DDX17: variants seen among roughly 807,000 people sequenced by gnomAD.
DDX17 encodes the protein probable ATP-dependent RNA helicase DDX17.
DDX17 carries 10 observed loss-of-function variants against 80.8 expected under a neutral mutation model. The ratio of observed to expected loss-of-function variants is 0.12; its 90% CI spans 0.08 to 0.21. The LOEUF (loss-of-function observed/expected upper bound fraction) is 0.21, where lower values mean the gene tolerates loss of function less well. Among genes scored for constraint, DDX17 ranks in the 10% least tolerant of loss-of-function variants. The pLI is 1.00. For missense variants in DDX17, 586 were observed against 957.4 expected, an observed-to-expected ratio of 0.61 and a Z score of 5.12; for synonymous variants, 339 against 336.2, an observed-to-expected ratio of 1.01 and a Z score of -0.09.
intron 5 of DDX17, among the ~76,000 whole-genome samples, chr22:38,497,619 CAAAAA>C (rs138449): frequency 6.7e-5 from 5 of 74,886 alleles, no homozygotes; most frequent in Non-Finnish European, 1.2e-4. Flanking sequence ...AATATATCTC[CAAAAA>C]AAAAAAAAAA....
In DDX17 at chr22:38,484,451, C is replaced by A. The variant is rs1213658655; in HGVS notation, c.*1484G>T. 1 of 152,222 alleles carries A rather than the reference C, an allele frequency of 6.6e-6. No individual in the cohort carries two copies. Among genetic ancestry groups the A allele is most frequent in the African/African-American group, 2.4e-5 (1 of 41,456 alleles). 9.4% of individuals were successfully genotyped at this position (152,222 alleles called of 1,614,324 possible). ...GGAAAACAAAACCTCGAGTATAGAT[C>A]TTACAGATGAGCAAGCATTCAGGCC... On this transcript the variant is annotated 3_prime_UTR_variant, in exon 13 of 13. Coordinates refer to ENST00000403230, the MANE Select transcript of DDX17 (RefSeq NM_006386.5).
At chr22:38,487,840 C>A (rs1415068513) in intron 12 of DDX17, 39 bp downstream of exon 12, 3 of 1,611,568 alleles carry the variant, frequency 1.9e-6, no homozygotes, top group South Asian at 2.2e-5. Flanking sequence ...TAAAGAGATA[C>A]CTTGGCAGTA....
chr22:38,498,389 T>G, intron 4 of DDX17, 51 bp downstream of exon 4: 1 of 1,608,230 alleles, frequency 6.2e-7, no homozygotes, highest in Non-Finnish European at 8.5e-7. Context: ...ACAACTAGAA[T>G]AGCAAAATAA....
Position 38,498,164 on chromosome 22 carries a change from A to G in DDX17, c.673-14T>C, listed in dbSNP as rs1602681016. ...AGGCAGGAGATACTGTGGAGGGGGG[A>G]AAGAATGACAACCTTACGCTTAGAA... On this transcript the variant is annotated splice_polypyrimidine_tract_variant and intron_variant, in intron 4 of 12. Transcript: ENST00000403230. 2 of 1,612,586 alleles carry G rather than the reference A, an allele frequency of 1.2e-6. No homozygotes were observed. Among genetic ancestry groups the G allele is most frequent in the East Asian group, 4.5e-5 (2 of 44,860 alleles).
At chr22:38,487,517 G>C (rs1423029465) in intron 12 of DDX17, among the ~76,000 whole-genome samples, 3 of 152,198 alleles carry the variant, frequency 2.0e-5, no homozygotes, top group African/African-American at 7.2e-5. Flanking sequence ...TACTTGGGAG[G>C]CTGAGGCAGG....
intron 1 of DDX17, among the ~76,000 whole-genome samples, chr22:38,503,719 CAT>C (rs2089853012): frequency 6.6e-6 from 1 of 152,210 alleles, no homozygotes. Flanking sequence ...CCTTTGAAGT[CAT>C]ATATTAACAT....
chr22:38,493,788 G>T lies in DDX17; in HGVS notation c.1326-17C>A. 6.2e-7 allele frequency: 1 copy of T among 1,608,652 alleles called. No homozygotes were observed. The highest frequency in any genetic ancestry group is 1.1e-5 in the South Asian group (1 of 90,118). ...GCTGGCCAACTATCAGAAGAAAAGTGACCAATATTTTAAAAATCTTTTAAA... is the reference window on the plus strand; with the variant it reads ...GCTGGCCAACTATCAGAAGAAAAGTTACCAATATTTTAAAAATCTTTTAAA... On this transcript the variant is annotated splice_polypyrimidine_tract_variant and intron_variant, in intron 9 of 12. Transcript: ENST00000403230.
chr22:38,503,222 C>A (rs2089847810), intron 1 of DDX17, among the ~76,000 whole-genome samples: 1 of 152,172 alleles, frequency 6.6e-6, no homozygotes, highest in Non-Finnish European at 1.5e-5. Context: ...TTGCCGCTCC[C>A]GCCACACTTG....
chr22:38,487,575 C>T (rs1269818137), intron 12 of DDX17, among the ~76,000 whole-genome samples: 3 of 152,082 alleles, frequency 2.0e-5, no homozygotes, highest in East Asian at 1.9e-4. Context: ...GCTGAGATCG[C>T]GCCATTGCAC....
In DDX17 at chr22:38,494,917, G is replaced by A; in HGVS notation, c.1010C>T (p.Pro337Leu). ...TTGGTCAACAATTTTACGGATCTGG[G>A]GTTCAAACCCCATATCAAGCATTCT... The change falls in exon 7 of 13, where the codon CCC becomes CTC. Residue 337 changes from proline (P) to leucine (L), a missense_variant. Coordinates refer to ENST00000403230, the MANE Select transcript of DDX17 (RefSeq NM_006386.5). 1 of 1,614,120 alleles carries A rather than the reference G, an allele frequency of 6.2e-7. No individual in the cohort carries two copies. The highest frequency in any genetic ancestry group is 8.5e-7 in the Non-Finnish European group (1 of 1,180,010).
intron 1 of DDX17, among the ~76,000 whole-genome samples, chr22:38,503,528 C>T (rs982661018): frequency 2.0e-5 from 3 of 152,142 alleles, no homozygotes; most frequent in Non-Finnish European, 4.4e-5. Flanking sequence ...AATATGCCGT[C>T]TTCCATGTTT....
At chr22:38,499,835 G>A (rs1473188030) in intron 2 of DDX17, among the ~76,000 whole-genome samples, 2 of 152,084 alleles carry the variant, frequency 1.3e-5, no homozygotes, top group South Asian at 2.1e-4. Context: ...CATTTCATGT[G>A]TAGAGTCCAA....
chr22:38,499,485 C>A lies in DDX17; in HGVS notation c.453G>T (p.Glu151Asp), dbSNP rs779054307. 3 of 1,611,708 alleles carry A rather than the reference C, an allele frequency of 1.9e-6. No individual in the cohort carries two copies. In the South Asian group the frequency reaches 3.3e-5, roughly 18 times the overall value. Residue 151 changes from glutamate to aspartate, a missense_variant, in exon 3 of 13, where the codon GAG (glutamate) becomes GAT (aspartate). This residue lies in a region of DDX17 where 215 missense variants were observed against 238.4 expected (regional missense o/e 0.90). Coordinates refer to ENST00000403230, the MANE Select transcript of DDX17 (RefSeq NM_006386.5). ...CTGTAATCTCCTTCTTTCGGCGTAG[C>A]TCATCAACCTCATACTATTGAAAAA...
intron 11 of DDX17, chr22:38,488,536 G>C: frequency 4.0e-6 from 4 of 1,003,772 alleles, no homozygotes; most frequent in South Asian, 4.3e-5. Context: ...TACTCTGTTG[G>C]GAGAAGCCTG....
intron 1 of DDX17, 57 bp downstream of exon 1, chr22:38,505,894 C>T (rs922490501): frequency 4.6e-6 from 7 of 1,527,702 alleles, no homozygotes; most frequent in Admixed American, 2.1e-5. Context: ...CGGGCCTCCC[C>T]AAGAAGCAAC....
At chr22:38,488,709 A>C (rs2089686248) in intron 11 of DDX17, 2 of 987,734 alleles carry the variant, frequency 2.0e-6, no homozygotes, top group African/African-American at 3.5e-5. Context: ...AACTGAGTAG[A>C]GCCAAAGCTG....
Position 38,485,476 on chromosome 22 carries a change from T to C in DDX17, c.*459A>G, listed in dbSNP as rs1389937033. 6.6e-6 allele frequency: 1 copy of C among 151,990 alleles called. No individual in the cohort carries two copies. The highest frequency in any genetic ancestry group is 1.5e-5 in the Non-Finnish European group (1 of 68,062). 9.4% of individuals were successfully genotyped at this position (151,990 alleles called of 1,614,324 possible). On this transcript the variant is annotated 3_prime_UTR_variant, in exon 13 of 13. Transcript: ENST00000403230. ...CCCTCTTTGTTTTCTAACCCAGTAA[T>C]GAGAAATTTAAAGCACAGATGCCAT...
intron 8 of DDX17, chr22:38,494,389 A>C: frequency 1.7e-6 from 1 of 602,988 alleles, no homozygotes; most frequent in East Asian, 2.9e-5. Context: ...CAAGACACAA[A>C]ATTGTGCAAA....
intron 11 of DDX17, 166 bp downstream of exon 11, chr22:38,491,890 G>T (rs978013242): frequency 1.1e-5 from 5 of 467,760 alleles, no homozygotes; most frequent in East Asian, 7.4e-5. Context: ...AAAATTGTGG[G>T]GGGGGCAGGG....
Sources: gnomAD v4.1 joint callset for allele counts (sites outside exome capture counted in the v4.1 genomes callset) on GRCh38, gnomAD v4.1.1 for gene constraint, gnomAD v4.1.1 regional missense constraint, MANE v1.5 for transcripts, NCBI Gene and HGNC (gene_info 2026-07-23, HGNC 2026-07-21) for gene names.